The following NEK10 variants were observed in gnomAD, a reference collection of about 807,000 sequenced individuals.
NEK10 encodes the protein serine/threonine-protein kinase Nek10.
Under a neutral mutation model 159.8 loss-of-function variants are expected in NEK10, and 122 were observed. The observed-to-expected ratio is 0.76, with a 90% confidence interval of 0.66 to 0.89. The LOEUF (loss-of-function observed/expected upper bound fraction) is 0.89. Among genes scored for constraint, NEK10 ranks in the 40% least tolerant of loss-of-function variants. The pLI, the probability that NEK10 is intolerant of heterozygous loss-of-function variation, is 0.00. For missense variants in NEK10, 1,342 were observed against 1,323.1 expected (o/e 1.01, Z -0.22); for synonymous variants, 466 against 457.1 (o/e 1.02, Z -0.25).
intron 23 of NEK10, among the ~76,000 whole-genome samples, chr3:27,230,096 A>T (rs1953078338): frequency 6.6e-6 from 1 of 152,104 alleles, no homozygotes; most frequent in Admixed American, 6.5e-5. Context: ...GCATGAAGAA[A>T]AGAATTTTAA....
chr3:27,212,150 A>G (rs1951063384), intron 23 of NEK10, among the ~76,000 whole-genome samples: 1 of 152,256 alleles, frequency 6.6e-6, no homozygotes, highest in Non-Finnish European at 1.5e-5. Flanking sequence ...TTTCCAAATT[A>G]AAATTTGTTC....
rs139771829 is a variant in NEK10 at position 27,174,205 on chromosome 3, G to T, written c.2776+234C>A. On this transcript the variant is annotated intron_variant, in intron 28 of 35. Coordinates refer to ENST00000691995, the MANE Select transcript of NEK10 (RefSeq NM_001394966.1). ...GACTCTCTAGTTAGAACCTGCAATT[G>T]CTGGTAGAAATAGTAAAACTATTCA... Among the ~76,000 whole-genome samples the T allele has an allele frequency of 3.9e-4, 59 of 152,294 alleles. No individual in the cohort carries two copies. The East Asian group carries it at 9.5e-3, about 24-fold the overall frequency.
intron 29 of NEK10, among the ~76,000 whole-genome samples, chr3:27,167,036 G>A (rs776225455): frequency 2.0e-5 from 3 of 152,028 alleles, no homozygotes; most frequent in Non-Finnish European, 4.4e-5. Flanking sequence ...AAAAAGTTGT[G>A]AACCACAGGC....
At chr3:27,337,458 T>A (rs1447696338) in intron 5 of NEK10, among the ~76,000 whole-genome samples, 3 of 76,936 alleles carry the variant, frequency 3.9e-5, no homozygotes, top group East Asian at 1.1e-3. Flanking sequence ...AAAAAAGAAA[T>A]AAAATTCATA....
At chr3:27,356,414 G>C (rs1444877854) in intron 1 of NEK10, among the ~76,000 whole-genome samples, 4 of 152,136 alleles carry the variant, frequency 2.6e-5, no homozygotes. Flanking sequence ...AGAAGCTGAG[G>C]CAAGAGGATT....
intron 32 of NEK10, among the ~76,000 whole-genome samples, chr3:27,123,809 G>A (rs1395778863): frequency 2.6e-5 from 4 of 151,886 alleles, no homozygotes; most frequent in Admixed American, 6.6e-5. Context: ...TAGATGGGGC[G>A]AGAAGAACAT....
chr3:27,139,945 G>A (rs568858087), intron 31 of NEK10, among the ~76,000 whole-genome samples: 1 of 152,302 alleles, frequency 6.6e-6, no homozygotes, highest in Non-Finnish European at 1.5e-5. Flanking sequence ...TCCTTTGGAG[G>A]CCAGGTATGA....
At chr3:27,202,781 A>G (rs1361978138) in intron 23 of NEK10, among the ~76,000 whole-genome samples, 3 of 152,196 alleles carry the variant, frequency 2.0e-5, no homozygotes, top group African/African-American at 2.4e-5. Flanking sequence ...AGTAACTCAT[A>G]TAAGTATCAC....
Position 27,352,499 on chromosome 3 carries a change from C to T in NEK10, c.98G>A (p.Arg33Gln), listed in dbSNP as rs1196260724. 38 of 1,611,160 alleles carry T rather than the reference C, an allele frequency of 2.4e-5. No individual in the cohort carries two copies. Among genetic ancestry groups the T allele is most frequent in the Non-Finnish European group, 3.1e-5 (37 of 1,177,712 alleles). Residue 33 changes from arginine to glutamine, a missense_variant, in exon 3 of 36, where the codon CGG (arginine) becomes CAG (glutamine). Arg to Gln is a conservative substitution (Grantham distance 43, BLOSUM62 1). Coordinates refer to ENST00000691995, the MANE Select transcript of NEK10 (RefSeq NM_001394966.1). Reference protein sequence around the residue: ...IRDYSDLKRLRCLLNVQSSKQ... With the variant: ...IRDYSDLKRLQCLLNVQSSKQ... ...GCTTGATTGGACGTTCAAAAGGCAC[C>T]GAAGTCTTTTAAGATCTGAATAGTC...
At chr3:27,186,073 T>C (rs1948591471) in intron 26 of NEK10, among the ~76,000 whole-genome samples, 1 of 152,168 alleles carries the variant, frequency 6.6e-6, no homozygotes, top group Non-Finnish European at 1.5e-5. Context: ...GAGAATCCAT[T>C]CACTGTGGAC....
chr3:27,176,810 T>G (rs760934110), intron 26 of NEK10, among the ~76,000 whole-genome samples: 9 of 152,296 alleles, frequency 5.9e-5, no homozygotes, highest in Non-Finnish European at 1.2e-4. Context: ...GTGTCAACAT[T>G]ACCAAGGTTG....
intron 5 of NEK10, among the ~76,000 whole-genome samples, chr3:27,328,252 G>A (rs983830250): frequency 2.0e-5 from 3 of 152,186 alleles, no homozygotes; most frequent in Admixed American, 6.5e-5. Context: ...GAGTACAGCA[G>A]AGGAAAAACC....
intron 30 of NEK10, among the ~76,000 whole-genome samples, chr3:27,159,997 A>C (rs1439046634): frequency 2.0e-5 from 3 of 151,692 alleles, no homozygotes; most frequent in Non-Finnish European, 4.4e-5. Context: ...CGGAACATTT[A>C]GGCAATACAG....
At chr3:27,149,833 A>G (rs1575512654) in intron 30 of NEK10, among the ~76,000 whole-genome samples, 1 of 152,354 alleles carries the variant, frequency 6.6e-6, no homozygotes, top group East Asian at 1.9e-4. Context: ...AAGGCATGTC[A>G]AAAGCCAAGA....
At chr3:27,237,302 G>A (rs1029165652) in intron 23 of NEK10, among the ~76,000 whole-genome samples, 3 of 152,204 alleles carry the variant, frequency 2.0e-5, no homozygotes, top group South Asian at 4.1e-4. Flanking sequence ...CTGAGGTGAC[G>A]TACATTCTCA....
intron 22 of NEK10, among the ~76,000 whole-genome samples, chr3:27,264,632 C>T (rs576283165): frequency 6.6e-6 from 1 of 152,280 alleles, no homozygotes; most frequent in Non-Finnish European, 1.5e-5. Context: ...TGGCTCACAC[C>T]TGTAATCCCA....
At chr3:27,259,374 C>T (rs989142400) in intron 22 of NEK10, among the ~76,000 whole-genome samples, 24 of 152,172 alleles carry the variant, frequency 1.6e-4, no homozygotes, top group African/African-American at 5.1e-4. Flanking sequence ...CGTCTTTAAT[C>T]CACCTTGAAT....
chr3:27,170,727 CAAT>C (rs993832177), intron 29 of NEK10, among the ~76,000 whole-genome samples: 5 of 151,928 alleles, frequency 3.3e-5, no homozygotes, highest in African/African-American at 1.2e-4. Flanking sequence ...TCTATCTCAA[CAAT>C]AATAATAATA....
intron 11 of NEK10, among the ~76,000 whole-genome samples, chr3:27,305,896 G>A (rs2044208339): frequency 6.6e-6 from 1 of 152,010 alleles, no homozygotes; most frequent in South Asian, 2.1e-4. Context: ...CTCCTGGATG[G>A]TGTCATCCAT....
Sources: allele counts gnomAD v4.1 joint callset (sites outside exome capture counted in the v4.1 genomes callset), GRCh38; gene constraint gnomAD v4.1.1; transcripts MANE v1.5; gene names NCBI Gene and HGNC (gene_info 2026-07-23, HGNC 2026-07-21).